PRR5: variants seen among roughly 807,000 people sequenced by gnomAD.
The protein encoded by PRR5 is proline rich 5.
A neutral mutation model predicts 30.6 loss-of-function variants in PRR5; 25 were observed. The ratio of observed to expected loss-of-function variants is 0.82; its 90% CI spans 0.60 to 1.14. The LOEUF is 1.14. Ranked by LOEUF, PRR5 falls within the 50% of genes most tolerant of loss-of-function variation. The pLI, the probability that PRR5 is intolerant of heterozygous loss-of-function variation, is 0.00. For synonymous variants in PRR5, 286 were observed against 247.1 expected, an observed-to-expected ratio of 1.16 and a Z score of -1.48; for missense variants, 600 against 547.1, an observed-to-expected ratio of 1.10 and a Z score of -0.96.
chr22:44,737,612 C>A lies in PRR5; in HGVS notation c.*365C>A. 4.2e-6 allele frequency: 1 copy of A among 236,090 alleles called. No homozygotes were observed. The highest frequency in any genetic ancestry group is 8.3e-6 in the Non-Finnish European group (1 of 120,130). 14.6% of individuals were successfully genotyped at this position (236,090 alleles called of 1,614,324 possible). Reference sequence around the variant, plus strand: ...GGGCCCCAAAGTGACCAGACTCCAGCACACCTGTCTCCTCCTGCCTGGGGT... The same window carrying A: ...GGGCCCCAAAGTGACCAGACTCCAGAACACCTGTCTCCTCCTGCCTGGGGT... On this transcript the variant is annotated 3_prime_UTR_variant, in exon 8 of 8. Transcript: ENST00000336985.
rs532541294 is a variant in PRR5, at chr22:44,710,516, T to C, written c.135-4075T>C. Among the ~76,000 whole-genome samples the C allele has an allele frequency of 2.9e-3, 437 of 152,288 alleles. 3 individuals are homozygous for C. Among genetic ancestry groups the C allele is most frequent in the African/African-American group, 9.9e-3 (410 of 41,564 alleles). ...TACACATGCCCCAACTGGGCCCGTC[T>C]TTGCAGGGCCCAGAGGGGCAGCTGG... On this transcript the variant is annotated intron_variant, in intron 1 of 7. Transcript: ENST00000336985.
At chr22:44,675,066 G>A (rs1923651451), upstream of PRR5, among the ~76,000 whole-genome samples, 1 of 150,070 alleles carries the variant, frequency 6.7e-6, no homozygotes, top group African/African-American at 2.5e-5. Flanking sequence ...GGCTAACACG[G>A]TGAAACCCCT....
At chr22:44,694,278 C>G (rs1406726133) in intron 1 of PRR5, among the ~76,000 whole-genome samples, 1 of 152,220 alleles carries the variant, frequency 6.6e-6, no homozygotes, top group Admixed American at 6.5e-5. Context: ...TGGCTCATGC[C>G]TGTAATCCCA....
chr22:44,673,277 C>A (rs564466927), upstream of PRR5, among the ~76,000 whole-genome samples: 1 of 152,214 alleles, frequency 6.6e-6, no homozygotes, highest in Non-Finnish European at 1.5e-5. Context: ...GTGTTACTCT[C>A]CGTGCCTCAG....
At chr22:44,706,042 C>T (rs902883859) in intron 1 of PRR5, among the ~76,000 whole-genome samples, 6 of 152,126 alleles carry the variant, frequency 3.9e-5, no homozygotes, top group Admixed American at 1.3e-4. Flanking sequence ...TCTGGTGATC[C>T]GCCTGCCTCA....
At chr22:44,688,896 G>A (rs900618255) in intron 1 of PRR5, among the ~76,000 whole-genome samples, 1 of 152,154 alleles carries the variant, frequency 6.6e-6, no homozygotes, top group Admixed American at 6.5e-5. Flanking sequence ...GCTGAAGCAG[G>A]AGACTGGCTT....
chr22:44,714,024 C>T (rs925435373), intron 1 of PRR5, among the ~76,000 whole-genome samples: 2 of 151,890 alleles, frequency 1.3e-5, no homozygotes, highest in Non-Finnish European at 2.9e-5. Context: ...AGGATGATCT[C>T]GATCTCCTGA....
intron 2 of PRR5, among the ~76,000 whole-genome samples, chr22:44,723,159 C>T (rs373797936): frequency 7.3e-4 from 111 of 151,702 alleles, no homozygotes; most frequent in African/African-American, 2.7e-3. Flanking sequence ...CTAATTTTTG[C>T]ATTTTTAGTA....
At chr22:44,688,725 C>A (rs115804067) in intron 1 of PRR5, among the ~76,000 whole-genome samples, 1 of 152,116 alleles carries the variant, frequency 6.6e-6, no homozygotes, top group East Asian at 1.9e-4. Context: ...GTGTGGCTCA[C>A]GCCTGTAATT....
At chr22:44,676,096 A>G (rs553617599), upstream of PRR5, among the ~76,000 whole-genome samples, 49 of 152,034 alleles carry the variant, frequency 3.2e-4, 1 homozygote, top group South Asian at 2.1e-3. Flanking sequence ...CAAAAACAAA[A>G]AAGAAGGCTG....
rs770765833 is a variant in PRR5, at chr22:44,691,452, G to A, written c.-10-11040G>A. Among the ~76,000 whole-genome samples the A allele has an allele frequency of 2.0e-5, 3 of 152,114 alleles. No individual in the cohort carries two copies. The highest frequency in any genetic ancestry group is 4.4e-5 in the Non-Finnish European group (3 of 68,004). The stretch of plus-strand genomic sequence containing the variant: ...GCCCTAGACTCAGTGCCCCTGGCAC[G>A]CCTGGAGCTGACTCCTCCTGCCCCT... On this transcript the variant is annotated intron_variant, in intron 1 of 8. Coordinates refer to the PRR5 transcript ENST00000006251. The surrounding 1 kb of genome is among the most constrained non-coding windows in gnomAD (Gnocchi z 4.4).
At chr22:44,683,878 T>G (rs1267458309) in intron 1 of PRR5, among the ~76,000 whole-genome samples, 1 of 152,236 alleles carries the variant, frequency 6.6e-6, no homozygotes, top group Non-Finnish European at 1.5e-5. Context: ...TGTCCACCCC[T>G]GTCATCCTTG....
chr22:44,730,947 G>A (rs1194568684), intron 4 of PRR5: 5 of 453,250 alleles, frequency 1.1e-5, no homozygotes, highest in South Asian at 5.1e-5. Context: ...TGTGATGGAT[G>A]GGCAGCTGTT....
intron 2 of PRR5, among the ~76,000 whole-genome samples, chr22:44,715,447 C>T (rs1306685135): frequency 6.6e-6 from 1 of 152,174 alleles, no homozygotes; most frequent in African/African-American, 2.4e-5. Flanking sequence ...TACGCAGGCG[C>T]CCCCCTCCAC....
At chr22:44,702,709 C>T (rs1432493321) in intron 1 of PRR5, 101 bp downstream of exon 1, 1 of 1,221,290 alleles carries the variant, frequency 8.2e-7, no homozygotes. Context: ...AGGAACGCTG[C>T]CGAAGGCGGC....
chr22:44,716,696 G>A (rs1057259820), intron 2 of PRR5, among the ~76,000 whole-genome samples: 8 of 152,326 alleles, frequency 5.3e-5, no homozygotes, highest in Admixed American at 5.2e-4. Flanking sequence ...TCAAGCCCCT[G>A]ACATCAGGGC....
chr22:44,699,464 T>TGACG (rs1414490041), upstream of PRR5, among the ~76,000 whole-genome samples: 1 of 152,268 alleles, frequency 6.6e-6, no homozygotes, highest in African/African-American at 2.4e-5. Context: ...CCAGTGGCCA[T>TGACG]GACGGAGATT....
intron 1 of PRR5, among the ~76,000 whole-genome samples, chr22:44,708,228 G>T (rs533122297): frequency 6.6e-6 from 1 of 152,180 alleles, no homozygotes; most frequent in African/African-American, 2.4e-5. Flanking sequence ...AACAAATAGG[G>T]AAACCAATGC....
upstream of PRR5, among the ~76,000 whole-genome samples, chr22:44,676,548 G>A (rs1569060820): frequency 6.6e-6 from 1 of 152,158 alleles, no homozygotes; most frequent in Non-Finnish European, 1.5e-5. Context: ...AGGCGGCAAT[G>A]GCCCTGGGCC....
Sources: allele counts gnomAD v4.1 joint callset (sites outside exome capture counted in the v4.1 genomes callset), GRCh38; gene constraint gnomAD v4.1.1; non-coding constraint Gnocchi (gnomAD v3.1); transcripts MANE v1.5; gene names NCBI Gene and HGNC (gene_info 2026-07-23, HGNC 2026-07-21).